CSMD3: variants seen among roughly 807,000 people sequenced by gnomAD.
CSMD3 encodes the protein CUB and Sushi multiple domains 3.
CSMD3 carries 177 observed loss-of-function variants against 435.2 expected under a neutral mutation model. That is an observed-to-expected ratio of 0.41 (90% CI 0.36 to 0.46). The LOEUF (loss-of-function observed/expected upper bound fraction) is 0.46, where lower values mean the gene tolerates loss of function less well. Among genes scored for constraint, CSMD3 ranks in the 20% least tolerant of loss-of-function variants. The pLI is 0.34. For synonymous variants in CSMD3, 1,656 were observed against 1,520.5 expected (o/e 1.09, Z -2.07); for missense variants, 4,265 against 4,504.6 (o/e 0.95, Z 1.52).
intron 27 of CSMD3, among the ~76,000 whole-genome samples, 193 bp from the exon 28 acceptor site, chr8:112,517,418 C>G (rs771199288): frequency 4.6e-5 from 7 of 151,804 alleles, no homozygotes; most frequent in Non-Finnish European, 1.0e-4. Context: ...ATTTTAGTTA[C>G]CAAATACTAG....
chr8:112,287,016 C>A (rs1819272379), intron 58 of CSMD3, 48 bp downstream of exon 58: 1 of 1,441,502 alleles, frequency 6.9e-7, no homozygotes, highest in Middle Eastern at 1.7e-4. Context: ...TTTAGATACA[C>A]ACTAAAATCC....
At chr8:112,486,576 A>C (rs560335404) in intron 31 of CSMD3, among the ~76,000 whole-genome samples, 138 of 152,272 alleles carry the variant, frequency 9.1e-4, no homozygotes, top group African/African-American at 3.1e-3. Flanking sequence ...AAATTCCACC[A>C]GCATTTCCTA....
intron 1 of CSMD3, among the ~76,000 whole-genome samples, chr8:113,396,845 T>G (rs2094485796): frequency 1.3e-5 from 2 of 152,094 alleles, no homozygotes; most frequent in South Asian, 4.1e-4. Flanking sequence ...AGATATATTA[T>G]TTATTTATTA....
intron 13 of CSMD3, among the ~76,000 whole-genome samples, chr8:112,702,038 A>G (rs1172283147): frequency 6.6e-6 from 1 of 151,916 alleles, no homozygotes; most frequent in African/African-American, 2.4e-5. Flanking sequence ...ATAATTATTG[A>G]TTTACTCATC....
intron 32 of CSMD3, among the ~76,000 whole-genome samples, chr8:112,411,407 C>CA (rs1451241436): frequency 6.6e-6 from 1 of 151,716 alleles, no homozygotes; most frequent in Non-Finnish European, 1.5e-5. Flanking sequence ...CCTTATTAAG[C>CA]AATGAGCAAG....
chr8:112,994,001 T>A (rs919405945), intron 6 of CSMD3, among the ~76,000 whole-genome samples: 1 of 151,756 alleles, frequency 6.6e-6, no homozygotes, highest in Admixed American at 6.6e-5. Context: ...CTACAAAACA[T>A]CACTTATCTT....
chr8:113,404,539 T>G (rs1174165234), intron 1 of CSMD3, among the ~76,000 whole-genome samples: 1 of 151,426 alleles, frequency 6.6e-6, no homozygotes, highest in Non-Finnish European at 1.5e-5. Context: ...AGAGAGATTA[T>G]ATAGAATAAA....
chr8:112,890,657 G>A (rs1239924804), intron 10 of CSMD3, among the ~76,000 whole-genome samples: 1 of 151,634 alleles, frequency 6.6e-6, no homozygotes, highest in African/African-American at 2.4e-5. Context: ...AAAAAGCATA[G>A]GCTAAATTCA....
At chr8:113,277,698 T>C (rs756038483) in intron 3 of CSMD3, among the ~76,000 whole-genome samples, 1 of 151,934 alleles carries the variant, frequency 6.6e-6, no homozygotes, top group Non-Finnish European at 1.5e-5. Context: ...AATATGGTCC[T>C]GGGGAGATGA....
At position 112,794,295 on chromosome 8, in the gene CSMD3, T is replaced by C. The variant is rs980711414; in HGVS notation, c.1972+5867A>G. On this transcript the variant is annotated intron_variant, in intron 13 of 70. Coordinates refer to ENST00000297405, the MANE Select transcript of CSMD3 (RefSeq NM_198123.2). ...TGCTGGACTGATAAACTTTTTTTTT[T>C]TTTTTTTTTTTTTTTTGAGATGGAG... is the stretch of plus-strand genomic sequence containing the variant. 6.5e-5 allele frequency among the ~76,000 whole-genome samples: 9 copies of C among 138,310 alleles called. 1 individual carries two copies. Among genetic ancestry groups the C allele is most frequent in the Non-Finnish European group, 1.3e-4 (8 of 63,894 alleles). 90.7% of individuals were successfully genotyped at this position (138,310 alleles called of 152,430 possible).
At chr8:112,504,811 T>A (rs7837715) in intron 29 of CSMD3, among the ~76,000 whole-genome samples, 123,858 of 152,026 alleles carry the variant, frequency 0.81, 51,031 homozygotes, top group African/African-American at 0.93. Context: ...CAATTTCTGT[T>A]TTTCCTAACT....
chr8:113,107,898 T>G (rs759463815), intron 4 of CSMD3, among the ~76,000 whole-genome samples: 8 of 152,140 alleles, frequency 5.3e-5, no homozygotes, highest in Non-Finnish European at 1.2e-4. Flanking sequence ...TATACCTACA[T>G]ATATAGTAGG....
At chr8:112,335,025 C>A (rs1016637737) in intron 45 of CSMD3, among the ~76,000 whole-genome samples, 1 of 152,122 alleles carries the variant, frequency 6.6e-6, no homozygotes, top group Non-Finnish European at 1.5e-5. Context: ...AAATTACATG[C>A]ACTAGAGTAT....
At chr8:112,388,680 A>C (rs576859556) in intron 36 of CSMD3, among the ~76,000 whole-genome samples, 238 of 152,268 alleles carry the variant, frequency 1.6e-3, no homozygotes, top group African/African-American at 5.3e-3. Context: ...TATGTTTTGC[A>C]GCTTAGGTGA....
At chr8:112,382,777 G>A (rs2131249808) in intron 37 of CSMD3, among the ~76,000 whole-genome samples, 1 of 152,294 alleles carries the variant, frequency 6.6e-6, no homozygotes, top group Non-Finnish European at 1.5e-5. Flanking sequence ...ATCACCTGAA[G>A]TCAGAAGTTC....
At chr8:113,357,213 A>G (rs1417418065) in intron 1 of CSMD3, among the ~76,000 whole-genome samples, 1 of 152,230 alleles carries the variant, frequency 6.6e-6, no homozygotes, top group Non-Finnish European at 1.5e-5. Context: ...AACCTGCAAT[A>G]AGCATTTGCT....
At position 112,558,451 on chromosome 8, in the gene CSMD3, C is replaced by T. The variant is rs116505925; in HGVS notation, c.4043-1497G>A. On this transcript the variant is annotated intron_variant, in intron 24 of 70. Coordinates refer to ENST00000297405, the MANE Select transcript of CSMD3 (RefSeq NM_198123.2). ...CCTTTTATGTCCAATTACATTTCTA[C>T]GTAGCTGACCATTCATCACTGAACC... 3.9e-3 allele frequency among the ~76,000 whole-genome samples: 589 copies of T among 151,994 alleles called. 6 individuals are homozygous for T. Among genetic ancestry groups the T allele is most frequent in the African/African-American group, 0.013 (557 of 41,518 alleles).
intron 4 of CSMD3, among the ~76,000 whole-genome samples, chr8:113,168,400 T>C (rs777003066): frequency 6.6e-6 from 1 of 151,234 alleles, no homozygotes; most frequent in Non-Finnish European, 1.5e-5. Context: ...ACACGCCTGT[T>C]GTCCCAGCTA....
At chr8:112,419,284 G>A (rs796166313) in intron 32 of CSMD3, among the ~76,000 whole-genome samples, 4 of 152,186 alleles carry the variant, frequency 2.6e-5, no homozygotes, top group African/African-American at 9.6e-5. Flanking sequence ...AGAATGCTGG[G>A]GCCAATCCTG....
Sources: gnomAD v4.1 joint callset for allele counts (sites outside exome capture counted in the v4.1 genomes callset) on GRCh38, gnomAD v4.1.1 for gene constraint, MANE v1.5 for transcripts, NCBI Gene and HGNC (gene_info 2026-07-23, HGNC 2026-07-21) for gene names.